Variants in SGCD observed in about 807,000 individuals in gnomAD.
The protein encoded by SGCD is sarcoglycan delta, also known as delta-sarcoglycan.
Under a neutral mutation model 36.6 loss-of-function variants are expected in SGCD, and 18 were observed. The observed-to-expected ratio is 0.49, with a 90% CI of 0.34 to 0.73. SGCD has a LOEUF of 0.73. Ranked by LOEUF, SGCD falls within the 30% of genes least tolerant of loss-of-function variation. SGCD has a pLI of 0.01. For synonymous variants in SGCD, 133 were observed against 130.6 expected (o/e 1.02, Z -0.12); for missense variants, 387 against 346.7 (o/e 1.12, Z -0.92).
In SGCD at chr5:156,269,505, A is replaced by AAAAAAAAAAAAC. The variant is rs1189540837; in HGVS notation, c.-43-60024_-43-60023insAAAAAACAAAAA. Among the ~76,000 whole-genome samples the AAAAAAAAAAAAC allele has an allele frequency of 4.1e-4, 35 of 86,196 alleles. 6 individuals are homozygous for AAAAAAAAAAAAC. The highest frequency in any genetic ancestry group is 7.3e-4 in the Non-Finnish European group (30 of 41,326). 56.5% of individuals were successfully genotyped at this position (86,196 alleles called of 152,430 possible). The stretch of plus-strand genomic sequence containing the variant: ...AAAAAAAAAAAAAAAAAAAAAAAAA[A>AAAAAAAAAAAAC]AAAAACCATCAGATCTCATGAAACT... On this transcript the variant is annotated intron_variant, in intron 3 of 9. Transcript: ENST00000517913.
intron 1 of SGCD, among the ~76,000 whole-genome samples, chr5:155,906,856 T>G: frequency 8.5e-6 from 1 of 118,054 alleles, no homozygotes; most frequent in Non-Finnish European, 1.8e-5. Context: ...AAGATCTAGC[T>G]GAAATCATTG....
chr5:156,346,107 T>G (rs1188455598), intron 3 of SGCD, among the ~76,000 whole-genome samples: 1 of 152,114 alleles, frequency 6.6e-6, no homozygotes, highest in Non-Finnish European at 1.5e-5. Flanking sequence ...ATGCTAGGGC[T>G]TCTTGGTGCT....
At chr5:156,178,743 T>C (rs1293616029) in intron 3 of SGCD, among the ~76,000 whole-genome samples, 1 of 152,060 alleles carries the variant, frequency 6.6e-6, no homozygotes, top group African/African-American at 2.4e-5. Context: ...GCCTGGCTAA[T>C]TTTTGTATTT....
At chr5:155,804,186 G>C in the SGCD span, among the ~76,000 whole-genome samples, 1 of 152,066 alleles carries the variant, frequency 6.6e-6, no homozygotes, top group Non-Finnish European at 1.5e-5. Context: ...GCATTTATTT[G>C]GGGCCTGTTC....
intron 1 of SGCD, among the ~76,000 whole-genome samples, chr5:155,995,986 C>CAAAAAAAAAAAAA (rs753195795): frequency 2.2e-5 from 1 of 46,252 alleles, no homozygotes; most frequent in African/African-American, 5.6e-5. Flanking sequence ...CAGACCACAC[C>CAAAAAAAAAAAAA]AAAAAAAAAA....
intron 1 of SGCD, among the ~76,000 whole-genome samples, chr5:155,971,288 G>A (rs1335420135): frequency 6.6e-6 from 1 of 152,144 alleles, no homozygotes; most frequent in Admixed American, 6.6e-5. Context: ...AGCCAAGTCT[G>A]TCTGGCAGCA....
At chr5:156,016,037 C>T (rs1758969833) in intron 1 of SGCD, among the ~76,000 whole-genome samples, 1 of 151,914 alleles carries the variant, frequency 6.6e-6, no homozygotes, top group South Asian at 2.1e-4. Context: ...AAACAGAAAA[C>T]TTATGATTCT....
the SGCD span, among the ~76,000 whole-genome samples, chr5:155,863,520 A>G: frequency 6.6e-6 from 1 of 151,734 alleles, no homozygotes. Flanking sequence ...TTATTTCCCC[A>G]AATGCTTTTG....
chr5:156,286,824 A>T (rs1037834464), intron 3 of SGCD, among the ~76,000 whole-genome samples: 1 of 137,150 alleles, frequency 7.3e-6, no homozygotes, highest in South Asian at 2.3e-4. Flanking sequence ...AAAGTATAAT[A>T]AAAAAAAAAA....
At chr5:156,358,826 A>T (rs887770143) in intron 3 of SGCD, among the ~76,000 whole-genome samples, 7 of 152,096 alleles carry the variant, frequency 4.6e-5, no homozygotes, top group African/African-American at 1.7e-4. Flanking sequence ...GCATCTAGTA[A>T]TGTTGTATAT....
At chr5:155,965,402 A>G (rs1323610486) in intron 1 of SGCD, among the ~76,000 whole-genome samples, 3 of 152,048 alleles carry the variant, frequency 2.0e-5, no homozygotes, top group African/African-American at 4.8e-5. Flanking sequence ...TCTTATGTCA[A>G]TCATTGTTCA....
chr5:155,979,558 G>A (rs1758184685), intron 1 of SGCD, among the ~76,000 whole-genome samples: 1 of 152,204 alleles, frequency 6.6e-6, no homozygotes, highest in South Asian at 2.1e-4. Flanking sequence ...GGGCTGGGAT[G>A]CAGTTTCAAA....
chr5:156,091,734 T>G (rs2127594349), intron 1 of SGCD, among the ~76,000 whole-genome samples: 1 of 152,326 alleles, frequency 6.6e-6, no homozygotes, highest in South Asian at 2.1e-4. Context: ...AAGAAGATGG[T>G]CTGGTATTCG....
At chr5:156,213,306 TG>T (rs748341561) in intron 3 of SGCD, among the ~76,000 whole-genome samples, 9 of 151,870 alleles carry the variant, frequency 5.9e-5, no homozygotes, top group Non-Finnish European at 1.2e-4. Flanking sequence ...ACATTACAAG[TG>T]AGACCACAAT....
chr5:156,486,687 A>G lies in SGCD; in HGVS notation c.193-21914A>G, dbSNP rs536510727. On this transcript the variant is annotated intron_variant, in intron 3 of 8. Transcript: ENST00000337851. ...TGGGAATAGACCTGTCCCACCTGCC[A>G]CCATTGGCACCTGCACTTGCCTTCC... 1.4e-4 allele frequency among the ~76,000 whole-genome samples: 21 copies of G among 152,202 alleles called. No homozygotes were observed. In the South Asian group the frequency reaches 4.4e-3, roughly 32 times the overall value.
At chr5:156,042,900 A>C (rs1038826217) in intron 1 of SGCD, among the ~76,000 whole-genome samples, 1 of 152,078 alleles carries the variant, frequency 6.6e-6, no homozygotes, top group Non-Finnish European at 1.5e-5. Context: ...CAGCCTCCTC[A>C]CTTAGTGGTC....
chr5:156,590,189 G>A (rs1269635753), intron 5 of SGCD, among the ~76,000 whole-genome samples: 9 of 152,114 alleles, frequency 5.9e-5, no homozygotes, highest in Admixed American at 2.0e-4. Context: ...CAAATGCCTC[G>A]AAACATTACT....
intron 7 of SGCD, among the ~76,000 whole-genome samples, chr5:156,691,856 T>C (rs1169884548): frequency 6.6e-6 from 1 of 152,224 alleles, no homozygotes; most frequent in Non-Finnish European, 1.5e-5. Context: ...AAAATGTATG[T>C]ATATTAGCAC....
intron 7 of SGCD, among the ~76,000 whole-genome samples, chr5:156,695,483 CGATAGA>C (rs1310003027): frequency 1.5e-5 from 2 of 137,742 alleles, no homozygotes; most frequent in African/African-American, 5.8e-5. Flanking sequence ...CAACCTCTCT[CGATAGA>C]TAGATAGATA....
Sources: gnomAD v4.1 joint callset for allele counts (sites outside exome capture counted in the v4.1 genomes callset) on GRCh38, gnomAD v4.1.1 for gene constraint, MANE v1.5 for transcripts, NCBI Gene and HGNC (gene_info 2026-07-23, HGNC 2026-07-21) for gene names.